MRPS5: variants seen among roughly 807,000 people sequenced by gnomAD.
The protein encoded by MRPS5 is small ribosomal subunit protein uS5m.
A neutral mutation model predicts 51.9 loss-of-function variants in MRPS5; 27 were observed. That is an observed-to-expected ratio of 0.52 (90% CI 0.38 to 0.72). The LOEUF (loss-of-function observed/expected upper bound fraction) is 0.72. MRPS5 is among the 30% of genes least tolerant of loss of function. The pLI, the probability that MRPS5 is intolerant of heterozygous loss-of-function variation, is 0.00. For synonymous variants in MRPS5, 196 were observed against 193.2 expected (o/e 1.01, Z -0.12); for missense variants, 570 against 545.7 (o/e 1.04, Z -0.44).
At chr2:95,106,377 C>A in intron 6 of MRPS5, 46 bp downstream of exon 6, 1 of 1,413,690 alleles carries the variant, frequency 7.1e-7, no homozygotes, top group South Asian at 1.2e-5. Context: ...CCACCCACCC[C>A]AACCTCTCCA....
chr2:95,100,957 A>G, intron 8 of MRPS5, 63 bp from the exon 9 acceptor site: 1 of 1,371,822 alleles, frequency 7.3e-7, no homozygotes, highest in Non-Finnish European at 1.0e-6. Context: ...AGGATTCCAA[A>G]AACACTTTTA....
chr2:95,099,904 T>C (rs1573333833), intron 10 of MRPS5, among the ~76,000 whole-genome samples: 1 of 152,364 alleles, frequency 6.6e-6, no homozygotes, highest in Non-Finnish European at 1.5e-5. Context: ...AATCATTTTT[T>C]ACTGTAGAAC....
rs1217686677 is a variant in MRPS5, at chr2:95,118,990, T to C, written c.59-1045A>G. Among the ~76,000 whole-genome samples, 4 of 151,822 alleles carry C rather than the reference T, an allele frequency of 2.6e-5. 1 individual carries two copies. The Middle Eastern group carries it at 0.01, about 387-fold the overall frequency. ...AGCACAGCAACAAAAAGAAAAAAAA[T>C]AGACAAATGAGACTTCATCAAAATT... On this transcript the variant is annotated intron_variant, in intron 1 of 11. Coordinates refer to ENST00000272418, the MANE Select transcript of MRPS5 (RefSeq NM_031902.5).
intron 3 of MRPS5, among the ~76,000 whole-genome samples, chr2:95,111,825 T>C (rs1435034586): frequency 6.6e-6 from 1 of 152,204 alleles, no homozygotes; most frequent in East Asian, 1.9e-4. Context: ...TAATATTACA[T>C]TGTGAGTCTT....
At chr2:95,115,902 A>C (rs1037159155) in intron 2 of MRPS5, among the ~76,000 whole-genome samples, 2 of 151,358 alleles carry the variant, frequency 1.3e-5, no homozygotes, top group Non-Finnish European at 2.9e-5. Flanking sequence ...TATGCTCCTT[A>C]ATTTTCTTTT....
At chr2:95,090,651 C>T in intron 10 of MRPS5, 129 bp from the exon 11 acceptor site, 5 of 954,130 alleles carry the variant, frequency 5.2e-6, no homozygotes, top group Non-Finnish European at 7.9e-6. Flanking sequence ...ATCACCACTT[C>T]CTAGTGAGCT....
At chr2:95,112,931 GGAGGTGGAGCTTGCAGT>G (rs1444709983) in intron 3 of MRPS5, among the ~76,000 whole-genome samples, 1 of 151,940 alleles carries the variant, frequency 6.6e-6, no homozygotes, top group South Asian at 2.1e-4. Context: ...CATAAACCCA[GGAGGTGGAGCTTGCAGT>G]GAGCTGAGAT....
Position 95,104,629 on chromosome 2 carries a change from T to C in MRPS5, c.763+11A>G. The C allele has an allele frequency of 5.0e-6, 8 of 1,613,698 alleles. No homozygotes were observed. Among genetic ancestry groups the C allele is most frequent in the East Asian group, 2.2e-5 (1 of 44,882 alleles). On this transcript the variant is annotated intron_variant, in intron 7 of 11. Transcript: ENST00000272418. ...ACCACCGCCACTGTGATGCCATCAC[T>C]CCCCATTCACCTGCAGCTCCTTTTC...
chr2:95,100,774 TCA>T, intron 9 of MRPS5, 61 bp downstream of exon 9: 1 of 1,267,170 alleles, frequency 7.9e-7, no homozygotes, highest in Non-Finnish European at 1.1e-6. Flanking sequence ...AGATACATTG[TCA>T]CACAGACTTT....
chr2:95,104,314 C>T (rs1356912914), intron 7 of MRPS5: 2 of 335,082 alleles, frequency 6.0e-6, no homozygotes, highest in African/African-American at 4.3e-5. Flanking sequence ...TGTATGGCTA[C>T]ACTGTTTTTA....
intron 6 of MRPS5, among the ~76,000 whole-genome samples, 195 bp downstream of exon 6, chr2:95,106,228 G>C (rs1257254046): frequency 6.6e-6 from 1 of 152,172 alleles, no homozygotes; most frequent in Non-Finnish European, 1.5e-5. Flanking sequence ...GCCCCACAGA[G>C]AGGGTAGTAG....
At chr2:95,105,405 C>G (rs984212106) in intron 6 of MRPS5, among the ~76,000 whole-genome samples, 1 of 152,106 alleles carries the variant, frequency 6.6e-6, no homozygotes, top group Non-Finnish European at 1.5e-5. Context: ...AAAAAATTAG[C>G]CGGGTGTGGT....
chr2:95,097,517 T>C (rs1354467762), intron 10 of MRPS5, among the ~76,000 whole-genome samples: 1 of 152,030 alleles, frequency 6.6e-6, no homozygotes, highest in East Asian at 1.9e-4. Context: ...ACCAATGGAA[T>C]CGAACAGAGG....
chr2:95,087,533 TTTCCACAACATGGAGGCCC>T lies in MRPS5; in HGVS notation c.1098_1116del (p.Gly367SerfsTer19), dbSNP rs1464187212. ...GGCAGAGGGCCACATTCCTCCCGGATTTCCACAACATGGAGGCCCTTCTTATCAGCCAGCTGTTGATGGG... is the reference window on the plus strand; with the variant it reads ...GGCAGAGGGCCACATTCCTCCCGGATTTCTTATCAGCCAGCTGTTGATGGG... On this transcript the variant is annotated frameshift_variant, in exon 12 of 12. Coordinates refer to ENST00000272418, the MANE Select transcript of MRPS5 (RefSeq NM_031902.5). LOFTEE classifies it high-confidence loss of function. 9 of 1,614,166 alleles carry T rather than the reference TTTCCACAACATGGAGGCCC, an allele frequency of 5.6e-6. No individual in the cohort carries two copies.
chr2:95,100,317 C>T (rs932956684), intron 10 of MRPS5, among the ~76,000 whole-genome samples, 157 bp downstream of exon 10: 5 of 152,222 alleles, frequency 3.3e-5, no homozygotes, highest in African/African-American at 1.2e-4. Context: ...TCTTATTTCT[C>T]CAAGAGCCTC....
chr2:95,107,702 G>A (rs140387398), intron 5 of MRPS5, among the ~76,000 whole-genome samples: 2 of 152,218 alleles, frequency 1.3e-5, no homozygotes, highest in East Asian at 1.9e-4. Context: ...ACATACTCAC[G>A]GAGGGCTGGG....
chr2:95,089,960 G>A (rs1286915185), intron 11 of MRPS5, among the ~76,000 whole-genome samples: 11 of 151,706 alleles, frequency 7.3e-5, no homozygotes, highest in Admixed American at 2.6e-4. Context: ...GGCGGATCAC[G>A]AGGTCAGGAG....
rs2104386228 is a variant in MRPS5 at position 95,085,930 on chromosome 2, T to C, written c.*1427A>G. Among the ~76,000 whole-genome samples the C allele has an allele frequency of 6.6e-6, 1 of 152,080 alleles. No individual in the cohort carries two copies. Among genetic ancestry groups the C allele is most frequent in the Admixed American group, 6.6e-5 (1 of 15,260 alleles). The stretch of plus-strand genomic sequence containing the variant: ...CTTTATGACAATTTTTTTTTTTTTT[T>C]TGGAGACAAGGTCTCACTCTGCCAC... On this transcript the variant is annotated 3_prime_UTR_variant, in exon 12 of 12. Transcript: ENST00000272418.
intron 6 of MRPS5, among the ~76,000 whole-genome samples, chr2:95,105,864 C>T (rs1300205092): frequency 6.6e-6 from 1 of 152,210 alleles, no homozygotes; most frequent in African/African-American, 2.4e-5. Flanking sequence ...GGTTATTCCA[C>T]ATGGTATTTA....
Sources: gnomAD v4.1 joint callset for allele counts (sites outside exome capture counted in the v4.1 genomes callset) on GRCh38, gnomAD v4.1.1 for gene constraint, MANE v1.5 for transcripts, NCBI Gene and HGNC (gene_info 2026-07-23, HGNC 2026-07-21) for gene names.